The following SYP variants were observed in gnomAD, a reference collection of about 807,000 sequenced individuals.
SYP encodes the protein major synaptic vesicle protein P38.
A neutral mutation model predicts 24.3 loss-of-function variants in SYP; 2 were observed. The observed-to-expected ratio is 0.08, with a 90% confidence interval of 0.03 to 0.26. The LOEUF is 0.26. SYP is among the 10% of genes least tolerant of loss of function. The probability of loss-of-function intolerance (pLI) is 1.00; values close to 1 mark genes in which losing one functional copy is unlikely to be tolerated. For synonymous variants in SYP, 143 were observed against 123.2 expected (o/e 1.16, Z -1.07); for missense variants, 216 against 266.3 (o/e 0.81, Z 1.32).
In SYP at chrX:49,191,070, T is replaced by A. The variant is rs1244720498; in HGVS notation, c.*4+363A>T. 3 of 306,186 alleles carry A rather than the reference T, an allele frequency of 9.8e-6. No individual in the cohort carries two copies. The South Asian group carries it at 1.1e-4, about 12-fold the overall frequency. 25.2% of individuals were successfully genotyped at this position (306,186 alleles called of 1,213,427 possible). A position where few individuals can be genotyped will look rare whatever the true frequency, so the allele number is the denominator to read the frequency against. On this transcript the variant is annotated intron_variant, in intron 6 of 6. Coordinates refer to ENST00000263233, the MANE Select transcript of SYP (RefSeq NM_003179.3). The stretch of plus-strand genomic sequence containing the variant: ...GTCACTTCTAAGACCCACCTCCTCG[T>A]CGCTTCCGTGGCTCTTGCGCTCCGC...
rs1557103661 is a variant in SYP at position 49,199,043 on chromosome X, G to C, written c.37-10C>G. On this transcript the variant is annotated splice_polypyrimidine_tract_variant and intron_variant, in intron 1 of 6. Transcript: ENST00000263233. ...GACCCCCAGCCACCAGCTGAGGAGA[G>C]AAACAGTGGGGAAGGGGTGGGGTTG... 1 of 1,209,969 alleles carries C rather than the reference G, an allele frequency of 8.3e-7. No homozygotes were observed. The highest frequency in any genetic ancestry group is 2.3e-4 in the Middle Eastern group (1 of 4,352).
rs183708910 is a variant in SYP, at chrX:49,196,509, T to C, written c.227+1206A>G. Among the ~76,000 whole-genome samples the C allele has an allele frequency of 5.3e-5, 6 of 112,459 alleles. 1 individual carries two copies. The highest frequency in any genetic ancestry group is 5.5e-4 in the East Asian group (2 of 3,606). Reference sequence around the variant, plus strand: ...TGAACAGACACTGATGGAGCACTTATTGTGTGCCAGGCACTGTGCTAAGCA... The same window carrying C: ...TGAACAGACACTGATGGAGCACTTACTGTGTGCCAGGCACTGTGCTAAGCA... On this transcript the variant is annotated intron_variant, in intron 3 of 6. Transcript: ENST00000263233.
chrX:49,193,540 A>C, intron 4 of SYP, 77 bp from the exon 5 acceptor site: 1 of 1,088,583 alleles, frequency 9.2e-7, no homozygotes, highest in Non-Finnish European at 1.2e-6. Context: ...TCCTCGGATC[A>C]CAGGTCCCCC....
Position 49,191,483 on chromosome X carries a change from C to G in SYP, c.896G>C (p.Gly299Ala), listed in dbSNP as rs1557102700. ...GGTGGGTGCACCCTGCGGGCCGTAG[C>G]CTTGCTGCCCATAGTCGCCCTGAGG... ...YGPQGDYGQQ[G>A]YGPQGAPTSF... The change falls in exon 6 of 7, where the codon GGC (glycine) becomes GCC (alanine). Residue 299 changes from glycine to alanine, a missense_variant. By Grantham distance (60) the Gly-to-Ala change is moderately conservative (BLOSUM62 0). Coordinates refer to ENST00000263233, the MANE Select transcript of SYP (RefSeq NM_003179.3). 4 of 1,211,702 alleles carry G rather than the reference C, an allele frequency of 3.3e-6. No individual in the cohort carries two copies. Among genetic ancestry groups the G allele is most frequent in the East Asian group, 3.0e-5 (1 of 33,866 alleles).
At position 49,198,914 on chromosome X, in the gene SYP, C is replaced by G. The variant is rs143653727; in HGVS notation, c.102+54G>C. The G allele has an allele frequency of 7.4e-4, 871 of 1,182,687 alleles. No homozygotes were observed. In the African/African-American group the frequency reaches 0.014, roughly 19 times the overall value. Reference sequence around the variant, plus strand: ...TACTCCACCCCTGCTCTTCTGGACCCCATGACCTCCCTCTCTCCCTGCACT... The same window carrying G: ...TACTCCACCCCTGCTCTTCTGGACCGCATGACCTCCCTCTCTCCCTGCACT... On this transcript the variant is annotated intron_variant, in intron 2 of 6. Transcript: ENST00000263233.
chrX:49,194,299 A>G lies in SYP; in HGVS notation c.290T>C (p.Val97Ala). The G allele has an allele frequency of 8.3e-7, 1 of 1,211,512 alleles. No individual in the cohort carries two copies. Among genetic ancestry groups the G allele is most frequent in the South Asian group, 1.8e-5 (1 of 56,941 alleles). The change falls in exon 4 of 7, where the codon GTT becomes GCT. Residue 97 changes from valine to alanine, a missense_variant. By Grantham distance (64) the Val-to-Ala change is moderately conservative. Coordinates refer to ENST00000263233, the MANE Select transcript of SYP (RefSeq NM_003179.3). The stretch of plus-strand genomic sequence containing the variant: ...TTCGGCTGACGAGGAGTAGTCCCCA[A>G]CTAAGAAGACCTTGGTGGTGCCCCC... ...CRGGTTKVFLVGDYSSSAEFF... is the reference protein window; with the variant it reads ...CRGGTTKVFLAGDYSSSAEFF...
chrX:49,198,042 G>C (rs191613021), intron 2 of SYP: 2 of 457,489 alleles, frequency 4.4e-6, no homozygotes, highest in Non-Finnish European at 7.5e-6. Context: ...CTCTCTCTGT[G>C]TCTCTCTCTG....
chrX:49,195,572 T>A (rs1403923568), intron 3 of SYP, among the ~76,000 whole-genome samples: 3 of 110,262 alleles, frequency 2.7e-5, no homozygotes, highest in Non-Finnish European at 3.8e-5. Context: ...GGTGTGTGTA[T>A]GTGAGGGAAG....
rs1050214720 is a variant in SYP, at chrX:49,191,563, G to T, written c.816C>A (p.Gly272=). The T allele has an allele frequency of 2.5e-6, 3 of 1,210,073 alleles. No individual in the cohort carries two copies. Among genetic ancestry groups the T allele is most frequent in the Non-Finnish European group, 3.4e-6 (3 of 895,082 alleles). Residue 272 remains glycine, a synonymous_variant, in exon 6 of 7, where the codon GGC becomes GGA. Transcript: ENST00000263233. ...YGPQDSYGPQ[G]GYQPDYGQPA... ...GTTGACCATAGTCAGGCTGGTAGCC[G>T]CCCTGAGGCCCGTAGGAATCCTGGG...
intron 2 of SYP, 28 bp downstream of exon 2, chrX:49,198,940 C>T: frequency 1.7e-6 from 2 of 1,209,661 alleles, no homozygotes; most frequent in Non-Finnish European, 2.2e-6. Flanking sequence ...TCCCTGCACT[C>T]TGCCCCAACA....
In SYP at chrX:49,187,985, A is replaced by T. The variant is rs2065493007; in HGVS notation, c.*1302T>A. On this transcript the variant is annotated 3_prime_UTR_variant, in exon 7 of 7. Coordinates refer to ENST00000263233, the MANE Select transcript of SYP (RefSeq NM_003179.3). ...ACACACGATCACAGGCACTACTGAC[A>T]TCACAGACATAGCAGAGGGTGCAGG... The T allele has an allele frequency of 1.8e-5, 2 of 110,814 alleles. No homozygotes were observed. The highest frequency in any genetic ancestry group is 6.6e-5 in the African/African-American group (2 of 30,305). 9.1% of individuals were successfully genotyped at this position (110,814 alleles called of 1,213,427 possible).
chrX:49,198,662 G>C lies in SYP; in HGVS notation c.102+306C>G, dbSNP rs2065538026. On this transcript the variant is annotated intron_variant, in intron 2 of 6. Coordinates refer to ENST00000263233, the MANE Select transcript of SYP (RefSeq NM_003179.3). Reference sequence around the variant, plus strand: ...ACTGTCTCTGGGTTTCTCTGACTTTGCATCTCTCACCCAGCATCTGCTACA... The same window carrying C: ...ACTGTCTCTGGGTTTCTCTGACTTTCCATCTCTCACCCAGCATCTGCTACA... The C allele has an allele frequency of 9.0e-6, 3 of 335,019 alleles. No individual in the cohort carries two copies. In the South Asian group the frequency reaches 1.8e-4, roughly 20 times the overall value. 27.6% of individuals were successfully genotyped at this position (335,019 alleles called of 1,213,427 possible).
chrX:49,198,735 C>T (rs1204572654), intron 2 of SYP: 3 of 413,635 alleles, frequency 7.3e-6, no homozygotes, highest in Admixed American at 4.0e-5. Flanking sequence ...GGAGGTAGGA[C>T]GTCACAGTCT....
chrX:49,194,861 G>A (rs182107181), intron 3 of SYP, among the ~76,000 whole-genome samples: 12 of 110,319 alleles, frequency 1.1e-4, no homozygotes, highest in South Asian at 3.9e-4. Flanking sequence ...GGCATGCGCC[G>A]CTACGCCCAG....
intron 3 of SYP, among the ~76,000 whole-genome samples, chrX:49,195,246 C>T: frequency 9.2e-6 from 1 of 108,571 alleles, no homozygotes; most frequent in Non-Finnish European, 1.9e-5. Context: ...GTTTTCACCT[C>T]CGTTTATCTC....
At chrX:49,192,930 T>C (rs1195303141) in intron 5 of SYP, among the ~76,000 whole-genome samples, 1 of 110,705 alleles carries the variant, frequency 9.0e-6, no homozygotes, top group African/African-American at 3.4e-5. Flanking sequence ...CTCCAGCCAG[T>C]AGGGGGCATC....
At position 49,193,291 on chromosome X, in the gene SYP, G is replaced by A. The variant is rs2065516870; in HGVS notation, c.596C>T (p.Ser199Leu). The change falls in exon 5 of 7, where the codon TCG (serine) becomes TTG (leucine). Residue 199 changes from serine (S) to leucine (L), a missense_variant. Coordinates refer to ENST00000263233, the MANE Select transcript of SYP (RefSeq NM_003179.3). Reference protein sequence around the residue: ...TCKELRDPVTSGLNTSVVFGF... With the variant: ...TCKELRDPVTLGLNTSVVFGF... Reference sequence around the variant, plus strand: ...GCTTACCACCGAGGTGTTGAGTCCCGAGGTCACAGGGTCTCTCAGCTCCTT... The same window carrying A: ...GCTTACCACCGAGGTGTTGAGTCCCAAGGTCACAGGGTCTCTCAGCTCCTT... 1 of 1,210,610 alleles carries A rather than the reference G, an allele frequency of 8.3e-7. No homozygotes were observed. The highest frequency in any genetic ancestry group is 1.7e-5 in the African/African-American group (1 of 57,433).
chrX:49,198,904 C>T, intron 2 of SYP, 64 bp downstream of exon 2: 2 of 1,167,475 alleles, frequency 1.7e-6, no homozygotes, highest in Non-Finnish European at 2.3e-6. Flanking sequence ...CACCCCTGCT[C>T]TTCTGGACCC....
Position 49,191,617 on chromosome X carries a change from G to T in SYP, c.762C>A (p.Gly254=), listed in dbSNP as rs782312454. 8.3e-7 allele frequency: 1 copy of T among 1,208,785 alleles called. No individual in the cohort carries two copies. ...PAPGDAYGDA[G]YGQGPGGYGP... ...CGTACCCGCCGGGGCCCTGCCCGTAGCCTGCATCGCCGTAGGCGTCCCCGG... is the reference window on the plus strand; with the variant it reads ...CGTACCCGCCGGGGCCCTGCCCGTATCCTGCATCGCCGTAGGCGTCCCCGG... Residue 254 remains glycine (G), a synonymous_variant, in exon 6 of 7, where the codon GGC becomes GGA. Coordinates refer to ENST00000263233, the MANE Select transcript of SYP (RefSeq NM_003179.3).
Sources: gnomAD v4.1 joint callset for allele counts (sites outside exome capture counted in the v4.1 genomes callset) on GRCh38, gnomAD v4.1.1 for gene constraint, MANE v1.5 for transcripts, NCBI Gene and HGNC (gene_info 2026-07-23, HGNC 2026-07-21) for gene names.